TTLL4: variants seen among roughly 807,000 people sequenced by gnomAD.
TTLL4 encodes the protein tubulin monoglutamylase TTLL4.
A neutral mutation model predicts 122.7 loss-of-function variants in TTLL4; 85 were observed. The ratio of observed to expected loss-of-function variants is 0.69; its 90% confidence interval spans 0.58 to 0.83. The LOEUF is 0.83. Ranked by LOEUF, TTLL4 falls within the 40% of genes least tolerant of loss-of-function variation. TTLL4 has a pLI of 0.00. For missense variants in TTLL4, 1,363 were observed against 1,488.6 expected (o/e 0.92, Z 1.39); for synonymous variants, 553 against 563.0 (o/e 0.98, Z 0.25).
intron 15 of TTLL4, among the ~76,000 whole-genome samples, 154 bp downstream of exon 15, chr2:218,750,300 T>C (rs144726432): frequency 6.6e-6 from 1 of 152,274 alleles, no homozygotes; most frequent in East Asian, 1.9e-4. Context: ...CCATGCCACA[T>C]CAGTGACTCT....
At position 218,737,545 on chromosome 2, in the gene TTLL4, C is replaced by T. The variant is rs553097305; in HGVS notation, c.-98-34C>T. 79 of 1,106,190 alleles carry T rather than the reference C, an allele frequency of 7.1e-5. No homozygotes were observed. In the East Asian group the frequency reaches 1.6e-3, roughly 22 times the overall value. The allele number at this position is 1,106,190 out of a possible 1,614,324, so 68.5% of individuals were successfully genotyped here. A position where few individuals can be genotyped will look rare whatever the true frequency, so the allele number is the denominator to read the frequency against. On this transcript the variant is annotated intron_variant, in intron 2 of 19. Coordinates refer to ENST00000392102, the MANE Select transcript of TTLL4 (RefSeq NM_014640.5). ...TAGCATGGTGTCCGTTCTCCTGGCA[C>T]TGTAACATTTCCTATCATTTCTCTC...
chr2:218,749,177 CTCT>C, intron 13 of TTLL4, 73 bp from the exon 14 acceptor site: 6 of 1,573,698 alleles, frequency 3.8e-6, no homozygotes, highest in Non-Finnish European at 5.2e-6. Flanking sequence ...CTCTGGGCCA[CTCT>C]TTTGGCAGGA....
intron 1 of TTLL4, among the ~76,000 whole-genome samples, chr2:218,720,236 T>C (rs904476243): frequency 6.6e-6 from 1 of 151,986 alleles, no homozygotes; most frequent in Non-Finnish European, 1.5e-5. Flanking sequence ...CAGATAATAG[T>C]TGACATTGTG....
chr2:218,732,876 A>G (rs1942419096), intron 2 of TTLL4, among the ~76,000 whole-genome samples: 1 of 152,154 alleles, frequency 6.6e-6, no homozygotes, highest in African/African-American at 2.4e-5. Flanking sequence ...AGCAACCATC[A>G]TTTCCCTGTC....
At chr2:218,759,132 T>C (rs908704322), downstream of TTLL4, among the ~76,000 whole-genome samples, 5 of 152,050 alleles carry the variant, frequency 3.3e-5, no homozygotes, top group African/African-American at 1.2e-4. Context: ...TAATCCCAGC[T>C]ACTCGGGAGG....
At chr2:218,759,602 C>G (rs1327556408), downstream of TTLL4, among the ~76,000 whole-genome samples, 3 of 152,132 alleles carry the variant, frequency 2.0e-5, no homozygotes, top group Admixed American at 6.6e-5. Flanking sequence ...TGGGAAGATT[C>G]TGTATCTTGA....
chr2:218,743,887 C>G (rs185663413), intron 5 of TTLL4, among the ~76,000 whole-genome samples: 119 of 152,306 alleles, frequency 7.8e-4, no homozygotes, highest in Non-Finnish European at 2.1e-4. Flanking sequence ...CCATGTTGGT[C>G]AGGCTGGTCT....
intron 2 of TTLL4, among the ~76,000 whole-genome samples, chr2:218,734,046 A>G (rs1303965950): frequency 6.6e-6 from 1 of 152,160 alleles, no homozygotes; most frequent in Non-Finnish European, 1.5e-5. Context: ...GATTAAAGAT[A>G]ATGGAGGGGA....
intron 1 of TTLL4, among the ~76,000 whole-genome samples, chr2:218,714,688 T>C (rs1443916711): frequency 1.3e-5 from 2 of 152,018 alleles, no homozygotes; most frequent in Non-Finnish European, 2.9e-5. Context: ...GGGCTCAGGA[T>C]TTCTTTATGT....
rs766751761 is a variant in TTLL4 at position 218,738,035 on chromosome 2, G to A, written c.359G>A (p.Arg120His). The change falls in exon 3 of 20, where the codon CGC becomes CAC. Residue 120 changes from arginine to histidine, a missense_variant. Arg to His is a conservative substitution (Grantham distance 29). Coordinates refer to ENST00000392102, the MANE Select transcript of TTLL4 (RefSeq NM_014640.5). ...DLFNSTLLYR[R>H]SSYRQKPYQQ... ...TTCAACAGCACCCTGCTATACCGCC[G>A]CTCCAGCTATAGGCAAAAACCGTAC... 15 of 1,614,072 alleles carry A rather than the reference G, an allele frequency of 9.3e-6. No homozygotes were observed. The highest frequency in any genetic ancestry group is 2.2e-5 in the South Asian group (2 of 91,080).
At chr2:218,752,572 C>T (rs553060374) in intron 16 of TTLL4, among the ~76,000 whole-genome samples, 191 bp from the exon 17 acceptor site, 1 of 152,324 alleles carries the variant, frequency 6.6e-6, no homozygotes, top group African/African-American at 2.4e-5. Context: ...CCTTCCCCCA[C>T]TAGCTAAGTT....
chr2:218,738,169 T>A lies in TTLL4; in HGVS notation c.493T>A (p.Ser165Thr). 1 of 1,614,054 alleles carries A rather than the reference T, an allele frequency of 6.2e-7. No individual in the cohort carries two copies. The highest frequency in any genetic ancestry group is 8.5e-7 in the Non-Finnish European group (1 of 1,180,012). ...TCTCACTGCCAACAAGGCCACTTCT[T>A]CCATGGTCTTCTCCATGGCCCAGCC... ...VSLTANKATS[S>T]MVFSMAQPMA... is the part of the protein sequence containing the mutation. Residue 165 changes from serine to threonine, a missense_variant, in exon 3 of 20, where the codon TCC (serine) becomes ACC (threonine). Around this residue, in one of 3 missense-constraint regions of TTLL4, gnomAD observed 760 missense variants for 808.4 expected, o/e 0.94. Transcript: ENST00000392102.
intron 1 of TTLL4, among the ~76,000 whole-genome samples, chr2:218,726,122 C>T (rs1404168646): frequency 6.6e-6 from 1 of 151,886 alleles, no homozygotes; most frequent in Non-Finnish European, 1.5e-5. Flanking sequence ...TGAATTCTTT[C>T]AGCTTTTGTT....
downstream of TTLL4, among the ~76,000 whole-genome samples, chr2:218,758,500 A>G (rs1253176667): frequency 1.3e-5 from 2 of 152,242 alleles, no homozygotes; most frequent in Non-Finnish European, 2.9e-5. Context: ...TTACAATACT[A>G]TTACAATAGC....
At chr2:218,753,450 C>G in intron 18 of TTLL4, 134 bp from the exon 19 acceptor site, 1 of 953,750 alleles carries the variant, frequency 1.0e-6, no homozygotes, top group Non-Finnish European at 1.6e-6. Flanking sequence ...CCCACCTGGG[C>G]CCATGCCTGA....
chr2:218,751,314 T>C (rs1453944406), intron 15 of TTLL4, among the ~76,000 whole-genome samples: 2 of 152,130 alleles, frequency 1.3e-5, no homozygotes, highest in African/African-American at 4.8e-5. Flanking sequence ...TGTAGTAATG[T>C]GGGTGATGAA....
chr2:218,752,512 A>G (rs1004447403), intron 16 of TTLL4, among the ~76,000 whole-genome samples: 3 of 152,126 alleles, frequency 2.0e-5, no homozygotes, highest in African/African-American at 7.2e-5. Context: ...TACCCAACAA[A>G]CTACTTAACC....
chr2:218,716,262 A>C lies in TTLL4; in HGVS notation c.-178+5225A>C, dbSNP rs559443034. The stretch of plus-strand genomic sequence containing the variant: ...GGCTTACTTTGTTTCATTTTCCAGA[A>C]CCTTTGCCAAATAATGACGTCGGAA... On this transcript the variant is annotated intron_variant, in intron 1 of 19. Coordinates refer to ENST00000392102, the MANE Select transcript of TTLL4 (RefSeq NM_014640.5). Among the ~76,000 whole-genome samples, 149 of 152,302 alleles carry C rather than the reference A, an allele frequency of 9.8e-4. 1 individual carries two copies. The South Asian group carries it at 0.029, about 30-fold the overall frequency.
At position 218,737,955 on chromosome 2, in the gene TTLL4, G is replaced by A. The variant is rs1942577027; in HGVS notation, c.279G>A (p.Thr93=). Residue 93 remains threonine (T), a synonymous_variant, in exon 3 of 20, where the codon ACG becomes ACA. Coordinates refer to ENST00000392102, the MANE Select transcript of TTLL4 (RefSeq NM_014640.5). ...GCACTTTATGTAGCTCTGGGACCAC[G>A]GCTGTCATTGCAGGCCACAGCAGTT... ...CPSTLCSSGT[T]AVIAGHSSSC... is the part of the protein sequence containing the mutation. 6.2e-7 allele frequency: 1 copy of A among 1,614,054 alleles called. No homozygotes were observed. Among genetic ancestry groups the A allele is most frequent in the African/African-American group, 1.3e-5 (1 of 74,924 alleles).
Sources: gnomAD v4.1 joint callset for allele counts (sites outside exome capture counted in the v4.1 genomes callset) on GRCh38, gnomAD v4.1.1 for gene constraint, gnomAD v4.1.1 regional missense constraint, MANE v1.5 for transcripts, NCBI Gene and HGNC (gene_info 2026-07-23, HGNC 2026-07-21) for gene names.